Variants in MAF observed in about 807,000 individuals in gnomAD.
MAF encodes transcription factor Maf.
A neutral mutation model predicts 22.0 loss-of-function variants in MAF; 10 were observed. The observed-to-expected ratio is 0.45, with a 90% CI of 0.28 to 0.77. The LOEUF (loss-of-function observed/expected upper bound fraction) is 0.77. Ranked by LOEUF, MAF falls within the 30% of genes least tolerant of loss-of-function variation. The pLI is 0.12. For synonymous variants in MAF, 337 were observed against 255.8 expected, an observed-to-expected ratio of 1.32 and a Z score of -3.03; for missense variants, 544 against 548.4, an observed-to-expected ratio of 0.99 and a Z score of 0.08.
chr16:79,284,908 C>G, the MAF span, among the ~76,000 whole-genome samples: 1 of 152,160 alleles, frequency 6.6e-6, no homozygotes, highest in Non-Finnish European at 1.5e-5. Context: ...CTCCCCCCAG[C>G]CAACAGTCCA....
the MAF span, among the ~76,000 whole-genome samples, chr16:79,404,278 C>A: frequency 6.6e-6 from 1 of 151,576 alleles, no homozygotes; most frequent in Non-Finnish European, 1.5e-5. Context: ...ATTCTCCTGC[C>A]TCAGCCTCCG....
chr16:79,407,489 A>G, the MAF span, among the ~76,000 whole-genome samples: 1 of 151,888 alleles, frequency 6.6e-6, no homozygotes, highest in Admixed American at 6.6e-5. Context: ...CTCCCTCTGC[A>G]TGTGTGTTTT....
the MAF span, among the ~76,000 whole-genome samples, chr16:79,538,620 A>T: frequency 6.6e-6 from 1 of 152,202 alleles, no homozygotes; most frequent in African/African-American, 2.4e-5. Flanking sequence ...AAGAAATTTT[A>T]TCACAAATAT....
the MAF span, among the ~76,000 whole-genome samples, chr16:79,427,438 G>C: frequency 2.6e-5 from 4 of 152,202 alleles, no homozygotes; most frequent in African/African-American, 9.6e-5. Flanking sequence ...ACACGATTCT[G>C]TTGTTACTTA....
At chr16:79,568,136 A>G in the MAF span, among the ~76,000 whole-genome samples, 1 of 152,234 alleles carries the variant, frequency 6.6e-6, no homozygotes, top group Non-Finnish European at 1.5e-5. Flanking sequence ...CTGTTTCTCA[A>G]TAAAATCCAG....
At chr16:79,385,718 T>G in the MAF span, among the ~76,000 whole-genome samples, 2 of 152,040 alleles carry the variant, frequency 1.3e-5, no homozygotes, top group African/African-American at 2.4e-5. Flanking sequence ...CTGGCCAACA[T>G]GGCAAAACCC....
the MAF span, among the ~76,000 whole-genome samples, chr16:79,242,526 C>G: frequency 6.6e-6 from 1 of 151,870 alleles, no homozygotes; most frequent in Admixed American, 6.6e-5. Context: ...TATATGCACC[C>G]AATACCGGAG....
At chr16:79,387,003 T>C in the MAF span, among the ~76,000 whole-genome samples, 3 of 152,220 alleles carry the variant, frequency 2.0e-5, no homozygotes, top group African/African-American at 4.8e-5. Flanking sequence ...AATTTAACTA[T>C]ACCCCAAGGC....
chr16:79,346,165 C>T, the MAF span, among the ~76,000 whole-genome samples: 37 of 151,478 alleles, frequency 2.4e-4, 1 homozygote, highest in Middle Eastern at 3.4e-3. Context: ...TCTCCTAATG[C>T]TATTCCTCCC....
At chr16:79,479,946 G>A in the MAF span, among the ~76,000 whole-genome samples, 1 of 152,128 alleles carries the variant, frequency 6.6e-6, no homozygotes, top group Non-Finnish European at 1.5e-5. Context: ...ACTTCCAGCA[G>A]GTTTTCAATG....
the MAF span, among the ~76,000 whole-genome samples, chr16:79,449,215 T>G: frequency 6.6e-6 from 1 of 152,044 alleles, no homozygotes; most frequent in African/African-American, 2.4e-5. Context: ...TGACGAGGAG[T>G]GGCTGTAAAT....
chr16:79,232,166 T>C, the MAF span, among the ~76,000 whole-genome samples: 1 of 152,064 alleles, frequency 6.6e-6, no homozygotes, highest in East Asian at 1.9e-4. Flanking sequence ...TAACAGGCCA[T>C]GGATTGGTAC....
At chr16:79,555,311 C>A in the MAF span, among the ~76,000 whole-genome samples, 1 of 152,120 alleles carries the variant, frequency 6.6e-6, no homozygotes, top group South Asian at 2.1e-4. Context: ...TGAGCTAATA[C>A]AAGAACCAAT....
At chr16:79,320,916 G>A in the MAF span, among the ~76,000 whole-genome samples, 5 of 152,154 alleles carry the variant, frequency 3.3e-5, no homozygotes, top group Non-Finnish European at 5.9e-5. Flanking sequence ...GCAGAGTGAC[G>A]TTAAGAAACA....
At chr16:79,329,172 G>A in the MAF span, among the ~76,000 whole-genome samples, 2 of 151,974 alleles carry the variant, frequency 1.3e-5, no homozygotes, top group Non-Finnish European at 2.9e-5. Flanking sequence ...GGGCACATTA[G>A]GTTAAAGGAA....
chr16:79,501,186 G>T, the MAF span, among the ~76,000 whole-genome samples: 1 of 152,156 alleles, frequency 6.6e-6, no homozygotes, highest in Non-Finnish European at 1.5e-5. Flanking sequence ...CTGCCAGCAA[G>T]TCTTGGTGCT....
chr16:79,428,053 C>T, the MAF span, among the ~76,000 whole-genome samples: 1 of 145,778 alleles, frequency 6.9e-6, no homozygotes, highest in Admixed American at 6.9e-5. Context: ...GATCGCGCCA[C>T]TGCACTCTAG....
At chr16:79,411,970 A>G in the MAF span, among the ~76,000 whole-genome samples, 152,022 of 152,290 alleles carry the variant, frequency 1, 75,878 homozygotes, top group Non-Finnish European at 1. Flanking sequence ...AAGTGGCAGT[A>G]GTGTTGCTGT....
chr16:79,553,294 A>G, the MAF span, among the ~76,000 whole-genome samples: 3 of 152,214 alleles, frequency 2.0e-5, no homozygotes, highest in African/African-American at 7.2e-5. Flanking sequence ...TGGCAGAGAA[A>G]TCTGCATTCA....
Sources: allele counts gnomAD v4.1 joint callset (sites outside exome capture counted in the v4.1 genomes callset), GRCh38; gene constraint gnomAD v4.1.1; transcripts MANE v1.5; gene names NCBI Gene and HGNC (gene_info 2026-07-23, HGNC 2026-07-21).